FAM168A: variants seen among roughly 807,000 people sequenced by gnomAD.
FAM168A encodes family with sequence similarity 168 member A.
A neutral mutation model predicts 28.5 loss-of-function variants in FAM168A; 3 were observed. The observed-to-expected ratio is 0.11, with a 90% CI of 0.05 to 0.27. The LOEUF (loss-of-function observed/expected upper bound fraction) is 0.27, where lower values mean the gene tolerates loss of function less well. FAM168A is among the 10% of genes least tolerant of loss of function. The probability of loss-of-function intolerance (pLI) is 1.00; values close to 1 mark genes in which losing one functional copy is unlikely to be tolerated. For synonymous variants in FAM168A, 122 were observed against 124.2 expected, an observed-to-expected ratio of 0.98 and a Z score of 0.12; for missense variants, 222 against 311.5, an observed-to-expected ratio of 0.71 and a Z score of 2.16.
At chr11:73,585,699 C>T (rs1944304731) in intron 1 of FAM168A, among the ~76,000 whole-genome samples, 1 of 151,856 alleles carries the variant, frequency 6.6e-6, no homozygotes, top group South Asian at 2.1e-4. Flanking sequence ...GAAACCCCAC[C>T]ACTACCAAAA....
intron 1 of FAM168A, among the ~76,000 whole-genome samples, chr11:73,496,873 TCACACACACA>T (rs71065011): frequency 6.2e-4 from 87 of 140,220 alleles, no homozygotes; most frequent in East Asian, 2.9e-3. Context: ...TATGTTCTTA[TCACACACACA>T]CACACACACA....
chr11:73,556,310 C>A (rs1943888780), intron 1 of FAM168A, among the ~76,000 whole-genome samples: 2 of 151,614 alleles, frequency 1.3e-5, no homozygotes, highest in Non-Finnish European at 2.9e-5. Flanking sequence ...GATCGTGCCA[C>A]TGCAGTCCCT....
intron 1 of FAM168A, among the ~76,000 whole-genome samples, chr11:73,487,721 C>A (rs567635943): frequency 4.6e-5 from 7 of 152,222 alleles, no homozygotes; most frequent in African/African-American, 2.4e-5. Flanking sequence ...ATAACTGAAA[C>A]CTTTTTTCTC....
intron 1 of FAM168A, among the ~76,000 whole-genome samples, chr11:73,525,021 A>ATT (rs11292586): frequency 1.4e-5 from 2 of 143,616 alleles, no homozygotes; most frequent in Non-Finnish European, 1.5e-5. Flanking sequence ...GTTTTTTGCA[A>ATT]TTTTTTTTTT....
chr11:73,488,477 C>T (rs1341101944), intron 1 of FAM168A, among the ~76,000 whole-genome samples: 1 of 152,140 alleles, frequency 6.6e-6, no homozygotes, highest in Non-Finnish European at 1.5e-5. Context: ...ATATTTGCCT[C>T]GTCCATCCTA....
chr11:73,520,129 T>C (rs1290486332), intron 1 of FAM168A, among the ~76,000 whole-genome samples: 1 of 152,036 alleles, frequency 6.6e-6, no homozygotes, highest in East Asian at 1.9e-4. Flanking sequence ...CACTGCAACC[T>C]CTGCCTCCCT....
intron 1 of FAM168A, among the ~76,000 whole-genome samples, chr11:73,531,490 C>T (rs1259650632): frequency 1.3e-5 from 2 of 152,136 alleles, no homozygotes; most frequent in Non-Finnish European, 2.9e-5. Context: ...TGAAGAAAGC[C>T]TGGCAAGACT....
In FAM168A at chr11:73,545,227, T is replaced by A. The variant is rs150820561; in HGVS notation, c.-19+52696A>T. 4.6e-3 allele frequency among the ~76,000 whole-genome samples: 689 copies of A among 150,238 alleles called. 10 individuals carry two copies. Among genetic ancestry groups the A allele is most frequent in the African/African-American group, 0.014 (574 of 40,574 alleles). On this transcript the variant is annotated intron_variant, in intron 1 of 7. Coordinates refer to ENST00000356467, the MANE Select transcript of FAM168A (RefSeq NM_015159.3). ...TTTTAGAAGAGATGGGGTTTCACCA[T>A]GTTGGCCAGGCTGGTCTCTAACTCC...
chr11:73,589,888 T>C (rs1590756964), intron 1 of FAM168A, among the ~76,000 whole-genome samples: 1 of 151,942 alleles, frequency 6.6e-6, no homozygotes, highest in African/African-American at 2.4e-5. Flanking sequence ...GATCCTGCCA[T>C]TGCACTCCAG....
chr11:73,521,520 T>C (rs1380055727), intron 1 of FAM168A, among the ~76,000 whole-genome samples: 1 of 152,130 alleles, frequency 6.6e-6, no homozygotes, highest in South Asian at 2.1e-4. Flanking sequence ...CATATCTAGT[T>C]AGAACTTTTG....
chr11:73,458,548 G>A (rs1357536368), intron 2 of FAM168A, among the ~76,000 whole-genome samples: 2 of 152,188 alleles, frequency 1.3e-5, no homozygotes, highest in East Asian at 3.8e-4. Flanking sequence ...CAGTGGAGTG[G>A]AAAGAGCTTG....
chr11:73,529,734 A>G (rs1011684102), intron 1 of FAM168A, among the ~76,000 whole-genome samples: 2 of 151,932 alleles, frequency 1.3e-5, no homozygotes, highest in African/African-American at 4.8e-5. Context: ...AAGCCAACCT[A>G]GAGAAACACC....
At chr11:73,520,831 AAAG>A (rs1943365925) in intron 1 of FAM168A, among the ~76,000 whole-genome samples, 1 of 152,160 alleles carries the variant, frequency 6.6e-6, no homozygotes, top group Non-Finnish European at 1.5e-5. Flanking sequence ...CAAAAAAAAA[AAAG>A]ATGTGGTTAT....
In FAM168A at chr11:73,402,183, A is replaced by G. The variant is rs1866424964; in HGVS notation, c.*4580T>C. ...GTGGGAGAATACAGGATGGAAAAGC[A>G]GACTTCCACGTATTTTCACTTAACT... On this transcript the variant is annotated 3_prime_UTR_variant, in exon 8 of 8. Coordinates refer to ENST00000356467, the MANE Select transcript of FAM168A (RefSeq NM_015159.3). 1.3e-5 allele frequency: 2 copies of G among 152,262 alleles called. No individual in the cohort carries two copies. The highest frequency in any genetic ancestry group is 6.5e-5 in the Admixed American group (1 of 15,288). The allele number at this position is 152,262 out of a possible 1,614,324, so 9.4% of individuals were successfully genotyped here.
intron 4 of FAM168A, among the ~76,000 whole-genome samples, chr11:73,413,867 A>G (rs1001202896): frequency 5.9e-5 from 9 of 152,194 alleles, no homozygotes; most frequent in Non-Finnish European, 1.2e-4. Context: ...GGAGTTTAAC[A>G]CCAGCCTGGG....
intron 1 of FAM168A, among the ~76,000 whole-genome samples, chr11:73,495,069 C>A (rs1373113986): frequency 6.6e-6 from 1 of 150,614 alleles, no homozygotes; most frequent in Non-Finnish European, 1.5e-5. Context: ...AATTTCAGGA[C>A]TCAGTAAAGA....
chr11:73,402,329 G>A lies in FAM168A; in HGVS notation c.*4434C>T, dbSNP rs1393413572. 1.3e-5 allele frequency: 2 copies of A among 152,268 alleles called. No homozygotes were observed. Among genetic ancestry groups the A allele is most frequent in the Non-Finnish European group, 1.5e-5 (1 of 68,060 alleles). The allele number at this position is 152,268 out of a possible 1,614,324, so 9.4% of individuals were successfully genotyped here. ...CTGAGGAATTTGATATGGAAGCTCT[G>A]AGCCTCGCTTAGTCAGTGCCTCGCT... On this transcript the variant is annotated 3_prime_UTR_variant, in exon 8 of 8. Transcript: ENST00000356467.
intron 2 of FAM168A, among the ~76,000 whole-genome samples, chr11:73,457,234 T>TC (rs1867549508): frequency 6.6e-6 from 1 of 151,332 alleles, no homozygotes; most frequent in Non-Finnish European, 1.5e-5. Context: ...ATTTTTTTTT[T>TC]TTAAATTAGC....
At chr11:73,552,494 A>G (rs1943840925) in intron 1 of FAM168A, among the ~76,000 whole-genome samples, 2 of 152,246 alleles carry the variant, frequency 1.3e-5, no homozygotes, top group Non-Finnish European at 2.9e-5. Context: ...CATAGTAGGC[A>G]AGCATTAAGT....
Sources: gnomAD v4.1 joint callset for allele counts (sites outside exome capture counted in the v4.1 genomes callset) on GRCh38, gnomAD v4.1.1 for gene constraint, MANE v1.5 for transcripts, NCBI Gene and HGNC (gene_info 2026-07-23, HGNC 2026-07-21) for gene names.